Variants in ANKRD45 observed in about 807,000 individuals in gnomAD.
The protein encoded by ANKRD45 is ankyrin repeat domain-containing protein 45.
ANKRD45 carries 21 observed loss-of-function variants against 28.1 expected under a neutral mutation model. The ratio of observed to expected loss-of-function variants is 0.75; its 90% CI spans 0.53 to 1.08. ANKRD45 has a LOEUF of 1.08. Ranked by LOEUF, ANKRD45 falls within the 50% of genes least tolerant of loss-of-function variation. The pLI is 0.00. For synonymous variants in ANKRD45, 86 were observed against 103.9 expected (o/e 0.83, Z 1.05); for missense variants, 261 against 308.7 (o/e 0.85, Z 1.16).
chr1:173,662,102 T>C (rs1238228968), intron 1 of ANKRD45, among the ~76,000 whole-genome samples: 1 of 152,178 alleles, frequency 6.6e-6, no homozygotes, highest in Admixed American at 6.6e-5. Context: ...ACTCTGCAGT[T>C]GTTGCTTGAA....
At chr1:173,671,715 C>G (rs956316407), upstream of ANKRD45, among the ~76,000 whole-genome samples, 1 of 147,880 alleles carries the variant, frequency 6.8e-6, no homozygotes, top group East Asian at 2.0e-4. Flanking sequence ...CTAAAAAATA[C>G]CAAAAAAAAA....
Position 173,608,880 on chromosome 1 carries a change from G to A in ANKRD45, c.*1265C>T, listed in dbSNP as rs1667030781. 1.1e-5 allele frequency among the ~76,000 whole-genome samples: 1 copy of A among 88,004 alleles called. No homozygotes were observed. Among genetic ancestry groups the A allele is most frequent in the Admixed American group, 1.1e-4 (1 of 9,278 alleles). The allele number at this position is 88,004 out of a possible 152,430, so 57.7% of individuals were successfully genotyped here. On this transcript the variant is annotated 3_prime_UTR_variant, in exon 6 of 6. Coordinates refer to ENST00000333279, the MANE Select transcript of ANKRD45 (RefSeq NM_198493.3). Reference sequence around the variant, plus strand: ...GAGAGGAAGGGAGGGGAGGGGAGAGGAAGGGAGGGGAGGGGAGAGGAAGGG... The same window carrying A: ...GAGAGGAAGGGAGGGGAGGGGAGAGAAAGGGAGGGGAGGGGAGAGGAAGGG...
chr1:173,701,516 A>T, the ANKRD45 span, among the ~76,000 whole-genome samples: 3 of 152,206 alleles, frequency 2.0e-5, no homozygotes, highest in Admixed American at 2.0e-4. Context: ...CATATCCTTT[A>T]TAGGGACACG....
At chr1:173,688,894 T>C in the ANKRD45 span, among the ~76,000 whole-genome samples, 59 of 152,026 alleles carry the variant, frequency 3.9e-4, 1 homozygote, top group South Asian at 7.9e-3. Context: ...TTCTCCCCTC[T>C]CCTTCCCCTT....
At chr1:173,661,678 G>A (rs781433244) in intron 1 of ANKRD45, among the ~76,000 whole-genome samples, 4 of 152,146 alleles carry the variant, frequency 2.6e-5, no homozygotes, top group Non-Finnish European at 5.9e-5. Context: ...CTAAATTAGT[G>A]TGAATTGGGG....
chr1:173,709,902 G>C, the ANKRD45 span, among the ~76,000 whole-genome samples: 1 of 152,268 alleles, frequency 6.6e-6, no homozygotes, highest in Middle Eastern at 3.4e-3. Context: ...AAAGAGCTGG[G>C]ATTATAGGCA....
At chr1:173,692,480 G>A in the ANKRD45 span, among the ~76,000 whole-genome samples, 33 of 152,260 alleles carry the variant, frequency 2.2e-4, 1 homozygote, top group African/African-American at 7.5e-4. Flanking sequence ...GCAGAGGGGT[G>A]ACTTTGAATA....
the ANKRD45 span, among the ~76,000 whole-genome samples, chr1:173,686,873 C>A: frequency 6.6e-6 from 1 of 152,094 alleles, no homozygotes; most frequent in Admixed American, 6.5e-5. Flanking sequence ...TTTAATACAA[C>A]CTTGTAGACA....
the ANKRD45 span, among the ~76,000 whole-genome samples, chr1:173,687,396 A>G: frequency 1.3e-5 from 2 of 151,292 alleles, no homozygotes; most frequent in African/African-American, 2.4e-5. Context: ...TTAAACAACC[A>G]GTTAATTTAT....
At chr1:173,635,670 C>A in intron 3 of ANKRD45, 1 of 1,535,576 alleles carries the variant, frequency 6.5e-7, no homozygotes, top group Non-Finnish European at 8.7e-7. Context: ...GTTAAGGGTT[C>A]TCCATCTCAC....
the ANKRD45 span, among the ~76,000 whole-genome samples, chr1:173,706,687 C>G: frequency 2.0e-5 from 3 of 152,034 alleles, no homozygotes; most frequent in African/African-American, 7.3e-5. Context: ...TGTAGATATC[C>G]CATTGTTTAT....
At chr1:173,667,793 T>G (rs1363691132) in intron 1 of ANKRD45, 2 of 404,636 alleles carry the variant, frequency 4.9e-6, no homozygotes, top group Non-Finnish European at 9.5e-6. Context: ...AAAAAGCTAT[T>G]AAAATACTCT....
the ANKRD45 span, among the ~76,000 whole-genome samples, chr1:173,704,178 G>C: frequency 6.6e-6 from 1 of 152,196 alleles, no homozygotes; most frequent in Non-Finnish European, 1.5e-5. Context: ...TCTAGGCTCA[G>C]AGGGTTCAGG....
chr1:173,610,142 T>C lies in ANKRD45; in HGVS notation c.*3A>G, dbSNP rs1484375222. 3.1e-6 allele frequency: 5 copies of C among 1,613,790 alleles called. No homozygotes were observed. Among genetic ancestry groups the C allele is most frequent in the Non-Finnish European group, 4.2e-6 (5 of 1,179,714 alleles). Reference sequence around the variant, plus strand: ...AAAATGTGGCCTTTTACAGAACGTATGTTCAGTTGGAGGTATCATCTTGAC... The same window carrying C: ...AAAATGTGGCCTTTTACAGAACGTACGTTCAGTTGGAGGTATCATCTTGAC... On this transcript the variant is annotated 3_prime_UTR_variant, in exon 6 of 6. Coordinates refer to ENST00000333279, the MANE Select transcript of ANKRD45 (RefSeq NM_198493.3).
intron 5 of ANKRD45, among the ~76,000 whole-genome samples, chr1:173,623,736 A>AC (rs1667802539): frequency 6.6e-6 from 1 of 152,144 alleles, no homozygotes; most frequent in Non-Finnish European, 1.5e-5. Flanking sequence ...TAGACTGGGT[A>AC]AAGAAAATGT....
chr1:173,662,136 T>A (rs887322531), intron 1 of ANKRD45, among the ~76,000 whole-genome samples: 2 of 152,116 alleles, frequency 1.3e-5, no homozygotes, highest in African/African-American at 4.8e-5. Flanking sequence ...AATACACAAA[T>A]GAATGGGTGT....
intron 3 of ANKRD45, among the ~76,000 whole-genome samples, chr1:173,634,929 T>C (rs1668358510): frequency 6.6e-6 from 1 of 151,904 alleles, no homozygotes; most frequent in Non-Finnish European, 1.5e-5. Flanking sequence ...TGTTGAACTA[T>C]TTGAAGGGAA....
rs761046917 is a variant in ANKRD45, at chr1:173,611,580, C to T, written c.731-1365G>A. ...CCCTATGGCCTAATACATACATACA[C>T]ACACACACACACACACACACACACA... On this transcript the variant is annotated intron_variant, in intron 5 of 5. Coordinates refer to ENST00000333279, the MANE Select transcript of ANKRD45 (RefSeq NM_198493.3). Among the ~76,000 whole-genome samples the T allele has an allele frequency of 1.8e-3, 87 of 47,878 alleles. 2 individuals carry two copies. The East Asian group carries it at 0.048, about 26-fold the overall frequency. The allele number at this position is 47,878 out of a possible 152,430, so 31.4% of individuals were successfully genotyped here. A position where few individuals can be genotyped will look rare whatever the true frequency, so the allele number is the denominator to read the frequency against.
In ANKRD45 at chr1:173,646,918, G is replaced by T; in HGVS notation, c.424C>A (p.Arg142=). ...GCAACATCTCGAGCCCTTTCTTCCCGGAAGTTCAAAGCTTCTATATCAACA... is the reference window on the plus strand; with the variant it reads ...GCAACATCTCGAGCCCTTTCTTCCCTGAAGTTCAAAGCTTCTATATCAACA... ...LDVDIEALNF[R]EERARDVAAR... Residue 142 remains arginine (R), a synonymous_variant, in exon 3 of 6, where the codon CGG becomes AGG. Transcript: ENST00000333279. 6.2e-7 allele frequency: 1 copy of T among 1,614,068 alleles called. No homozygotes were observed. Among genetic ancestry groups the T allele is most frequent in the Non-Finnish European group, 8.5e-7 (1 of 1,180,014 alleles).
Sources: allele counts gnomAD v4.1 joint callset (sites outside exome capture counted in the v4.1 genomes callset), GRCh38; gene constraint gnomAD v4.1.1; transcripts MANE v1.5; gene names NCBI Gene and HGNC (gene_info 2026-07-23, HGNC 2026-07-21).